The following ATP11A variants were observed in gnomAD, a reference collection of about 807,000 sequenced individuals.
ATP11A encodes phospholipid-transporting ATPase IH.
Under a neutral mutation model 154.4 loss-of-function variants are expected in ATP11A, and 81 were observed. That is an observed-to-expected ratio of 0.52 (90% CI 0.44 to 0.63). The LOEUF (loss-of-function observed/expected upper bound fraction) is 0.63. Among genes scored for constraint, ATP11A ranks in the 30% least tolerant of loss-of-function variants. The pLI, the probability that ATP11A is intolerant of heterozygous loss-of-function variation, is 0.00. For missense variants in ATP11A, 1,316 were observed against 1,474.3 expected (o/e 0.89, Z 1.76); for synonymous variants, 623 against 585.9 (o/e 1.06, Z -0.91).
At position 112,728,152 on chromosome 13, in the gene ATP11A, T is replaced by G. The variant is rs113663301; in HGVS notation, c.39+37697T>G. Among the ~76,000 whole-genome samples the G allele has an allele frequency of 9.7e-3, 1,471 of 152,204 alleles. 19 individuals carry two copies. The highest frequency in any genetic ancestry group is 0.03 in the East Asian group (156 of 5,182). On this transcript the variant is annotated intron_variant, in intron 1 of 29. Coordinates refer to ENST00000375645, the MANE Select transcript of ATP11A (RefSeq NM_015205.3). ...CCACAGAGAAAATGGAATGAGTGAG[T>G]GTGGCTGGTGCCAGTTAGCTTAATT...
rs757864242 is a variant in ATP11A at position 112,860,327 on chromosome 13, G to A, written c.2768G>A (p.Ser923Asn). 1.4e-5 allele frequency: 23 copies of A among 1,614,148 alleles called. No individual in the cohort carries two copies. The highest frequency in any genetic ancestry group is 1.3e-5 in the Non-Finnish European group (15 of 1,180,042). Residue 923 changes from serine (S) to asparagine (N), a missense_variant, in exon 24 of 30, where the codon AGC becomes AAC. This residue lies in a region of ATP11A where 294 missense variants were observed against 290.2 expected (regional missense o/e 1.01). Coordinates refer to ENST00000375645, the MANE Select transcript of ATP11A (RefSeq NM_015205.3). ...DTAYLTLYNISFTSLPILLYS... is the reference protein window; with the variant it reads ...DTAYLTLYNINFTSLPILLYS... ...GCGTATCTGACCCTCTACAACATCAGCTTCACCTCCCTCCCCATCCTCCTG... is the reference window on the plus strand; with the variant it reads ...GCGTATCTGACCCTCTACAACATCAACTTCACCTCCCTCCCCATCCTCCTG...
intron 28 of ATP11A, among the ~76,000 whole-genome samples, chr13:112,876,886 C>T (rs2080744437): frequency 6.6e-6 from 1 of 152,202 alleles, no homozygotes; most frequent in Non-Finnish European, 1.5e-5. Flanking sequence ...GTTGCCCTCC[C>T]TTGGGGGGCA....
chr13:112,869,161 T>A (rs2080431775), intron 25 of ATP11A, among the ~76,000 whole-genome samples: 2 of 152,222 alleles, frequency 1.3e-5, no homozygotes, highest in African/African-American at 2.4e-5. Context: ...ATAAGAGGGC[T>A]TTCCAGAGAT....
intron 8 of ATP11A, 89 bp downstream of exon 8, chr13:112,820,039 GC>G: frequency 7.7e-7 from 1 of 1,303,666 alleles, no homozygotes; most frequent in South Asian, 1.5e-5. Flanking sequence ...TTCCACGGCG[GC>G]TGCTCTGGTA....
intron 1 of ATP11A, among the ~76,000 whole-genome samples, chr13:112,771,063 C>T (rs2077214170): frequency 6.6e-6 from 1 of 152,138 alleles, no homozygotes. Flanking sequence ...TGTGAAACTT[C>T]CATTAGGTGT....
chr13:112,841,154 A>G (rs866134341), intron 16 of ATP11A, among the ~76,000 whole-genome samples: 8,866 of 59,466 alleles, frequency 0.15, 36 homozygotes, highest in Middle Eastern at 0.29. Context: ...GTGCAGAGGG[A>G]GCTCTGTGTG....
At chr13:112,761,366 C>G (rs1292625543) in intron 1 of ATP11A, among the ~76,000 whole-genome samples, 4 of 152,182 alleles carry the variant, frequency 2.6e-5, no homozygotes, top group Admixed American at 6.5e-5. Flanking sequence ...GCCAAGATCT[C>G]CAGTCAGATG....
chr13:112,716,400 C>T (rs931835588), intron 1 of ATP11A, among the ~76,000 whole-genome samples: 8 of 152,036 alleles, frequency 5.3e-5, no homozygotes, highest in Non-Finnish European at 1.2e-4. Context: ...TTTCACTTCA[C>T]GTGGCCCAGA....
chr13:112,816,275 T>C, intron 6 of ATP11A, 64 bp downstream of exon 6: 10 of 1,600,300 alleles, frequency 6.2e-6, no homozygotes, highest in Non-Finnish European at 8.5e-6. Flanking sequence ...ACTGTGCCCA[T>C]GCGGCCACAG....
chr13:112,844,795 T>TA lies in ATP11A; in HGVS notation c.1809+2416_1809+2417insA, dbSNP rs1566562508. Among the ~76,000 whole-genome samples, 258 of 122,344 alleles carry TA rather than the reference T, an allele frequency of 2.1e-3. 4 individuals are homozygous for TA. Among genetic ancestry groups the TA allele is most frequent in the African/African-American group, 0.011 (249 of 21,722 alleles). The allele number at this position is 122,344 out of a possible 152,430, so 80.3% of individuals were successfully genotyped here. ...AGTACTAACCAGTCCAGTTGCCGGGTGTTAGTGGTACTAACCAGTCCAGTT... is the reference window on the plus strand; with the variant it reads ...AGTACTAACCAGTCCAGTTGCCGGGTAGTTAGTGGTACTAACCAGTCCAGTT... On this transcript the variant is annotated intron_variant, in intron 17 of 29. Coordinates refer to ENST00000375645, the MANE Select transcript of ATP11A (RefSeq NM_015205.3).
intron 1 of ATP11A, chr13:112,745,710 G>T (rs191667203): frequency 4.6e-5 from 7 of 152,016 alleles, no homozygotes; most frequent in Non-Finnish European, 5.9e-5. Context: ...GATTAGGAGC[G>T]GTGAGAGGCA....
At chr13:112,736,677 A>C (rs1566403983) in intron 1 of ATP11A, among the ~76,000 whole-genome samples, 1 of 152,210 alleles carries the variant, frequency 6.6e-6, no homozygotes, top group Non-Finnish European at 1.5e-5. Context: ...TATTGAGTAC[A>C]TTTTGGAAAT....
rs1185329379 is a variant in ATP11A, at chr13:112,886,656, A to C, written c.*4790A>C. On this transcript the variant is annotated 3_prime_UTR_variant, in exon 30 of 30. Transcript: ENST00000375645. Reference sequence around the variant, plus strand: ...CATGAAAGTGTGATTCTACTTTTGCAGAAAAATCTAAAGATCAATTTATAT... The same window carrying C: ...CATGAAAGTGTGATTCTACTTTTGCCGAAAAATCTAAAGATCAATTTATAT... 6.6e-6 allele frequency: 1 copy of C among 152,648 alleles called. No homozygotes were observed. Among genetic ancestry groups the C allele is most frequent in the Non-Finnish European group, 1.5e-5 (1 of 68,044 alleles). The allele number at this position is 152,648 out of a possible 1,614,324, so 9.5% of individuals were successfully genotyped here. A position where few individuals can be genotyped will look rare whatever the true frequency, so the allele number is the denominator to read the frequency against.
At chr13:112,766,666 C>G (rs2077084812) in intron 1 of ATP11A, among the ~76,000 whole-genome samples, 1 of 152,078 alleles carries the variant, frequency 6.6e-6, no homozygotes, top group African/African-American at 2.4e-5. Flanking sequence ...GCCCACCCCC[C>G]AGGATGGGGG....
intron 1 of ATP11A, among the ~76,000 whole-genome samples, chr13:112,693,648 T>A (rs1375709711): frequency 1.3e-5 from 2 of 152,012 alleles, no homozygotes; most frequent in Non-Finnish European, 1.5e-5. Context: ...CTCCATGACG[T>A]AACACTTTAA....
At chr13:112,768,782 C>T (rs372144933) in intron 1 of ATP11A, among the ~76,000 whole-genome samples, 1 of 152,138 alleles carries the variant, frequency 6.6e-6, no homozygotes, top group Non-Finnish European at 1.5e-5. Flanking sequence ...TCGTGGGTGA[C>T]GCAGTGTTTT....
At chr13:112,809,666 C>T (rs934960433) in intron 4 of ATP11A, among the ~76,000 whole-genome samples, 20 of 152,216 alleles carry the variant, frequency 1.3e-4, no homozygotes, top group Middle Eastern at 3.4e-3. Context: ...ATGCGGTGGA[C>T]GTGGACGCCC....
intron 1 of ATP11A, among the ~76,000 whole-genome samples, chr13:112,756,945 C>T (rs913543952): frequency 6.6e-6 from 1 of 151,532 alleles, no homozygotes; most frequent in African/African-American, 2.4e-5. Flanking sequence ...TAGTAATTTA[C>T]TAGTTGAAAT....
At chr13:112,879,338 A>T (rs921453598) in intron 29 of ATP11A, among the ~76,000 whole-genome samples, 4 of 152,184 alleles carry the variant, frequency 2.6e-5, no homozygotes, top group Non-Finnish European at 5.9e-5. Context: ...CAGAATCAAC[A>T]GTTTTCTAAT....
Sources: gnomAD v4.1 joint callset for allele counts (sites outside exome capture counted in the v4.1 genomes callset) on GRCh38, gnomAD v4.1.1 for gene constraint, gnomAD v4.1.1 regional missense constraint, MANE v1.5 for transcripts, NCBI Gene and HGNC (gene_info 2026-07-23, HGNC 2026-07-21) for gene names.